Variants in DTNA observed in about 807,000 individuals in gnomAD.
DTNA encodes dystrobrevin alpha.
A neutral mutation model predicts 100.7 loss-of-function variants in DTNA; 43 were observed. That is an observed-to-expected ratio of 0.43 (90% CI 0.33 to 0.55). The LOEUF (loss-of-function observed/expected upper bound fraction) is 0.55, where lower values mean the gene tolerates loss of function less well. DTNA is among the 20% of genes least tolerant of loss of function. DTNA has a pLI of 0.04. For missense variants in DTNA, 798 were observed against 953.9 expected (o/e 0.84, Z 2.15); for synonymous variants, 349 against 347.9 (o/e 1.00, Z -0.04).
chr18:34,525,674 ACGCTGAGT>A (rs1451738541), intron 1 of DTNA, among the ~76,000 whole-genome samples: 1 of 152,144 alleles, frequency 6.6e-6, no homozygotes, highest in African/African-American at 2.4e-5. Flanking sequence ...TACTCCTCTG[ACGCTGAGT>A]GGTAGAACTA....
At chr18:34,539,131 AG>A (rs1439150723) in intron 1 of DTNA, among the ~76,000 whole-genome samples, 82 of 152,060 alleles carry the variant, frequency 5.4e-4, no homozygotes, top group African/African-American at 1.8e-3. Context: ...AAAATGATCA[AG>A]AATATGCATT....
chr18:34,610,554 T>A (rs2054018949), intron 1 of DTNA, among the ~76,000 whole-genome samples: 1 of 152,192 alleles, frequency 6.6e-6, no homozygotes, highest in African/African-American at 2.4e-5. Context: ...CAGGTACATT[T>A]AAAAAATGTA....
chr18:34,720,448 A>G (rs1456737740), intron 1 of DTNA, among the ~76,000 whole-genome samples: 1 of 152,234 alleles, frequency 6.6e-6, no homozygotes, highest in African/African-American at 2.4e-5. Context: ...GTTTGGGTTA[A>G]GACACAGGTA....
At chr18:34,880,519 T>TG (rs202139119) in intron 20 of DTNA, among the ~76,000 whole-genome samples, 3 of 152,214 alleles carry the variant, frequency 2.0e-5, no homozygotes, top group East Asian at 3.9e-4. Flanking sequence ...ACCCAAAAGC[T>TG]GGGGGAGGGA....
At chr18:34,498,358 G>T (rs950640502) in intron 1 of DTNA, among the ~76,000 whole-genome samples, 19 of 151,448 alleles carry the variant, frequency 1.3e-4, no homozygotes, top group Admixed American at 3.3e-4. Flanking sequence ...GTGTGAACCC[G>T]GGAGGCAGAG....
At chr18:34,705,525 ATT>A (rs893013595), upstream of DTNA, among the ~76,000 whole-genome samples, 2 of 152,336 alleles carry the variant, frequency 1.3e-5, no homozygotes, top group Admixed American at 6.5e-5. Flanking sequence ...CACTAGAGTA[ATT>A]TCATGCTGGA....
rs979432067 is a variant in DTNA at position 34,888,528 on chromosome 18, A to AT, written c.*803dup. The AT allele has an allele frequency of 4.9e-5, 48 of 984,150 alleles. No individual in the cohort carries two copies. The highest frequency in any genetic ancestry group is 5.4e-5 in the Non-Finnish European group (45 of 828,832). 61.0% of individuals were successfully genotyped at this position (984,150 alleles called of 1,614,324 possible). Reference sequence around the variant, plus strand: ...ATCAGCCATAGAATTTAGTGTAAATATTTTTTTTTCCAAATAGATATCATA... The same window carrying AT: ...ATCAGCCATAGAATTTAGTGTAAATATTTTTTTTTTCCAAATAGATATCATA... On this transcript the variant is annotated 3_prime_UTR_variant, in exon 23 of 23. Transcript: ENST00000444659.
intron 4 of DTNA, 26 bp from the exon 5 acceptor site, chr18:34,806,192 TG>T (rs1220043672): frequency 6.2e-7 from 1 of 1,602,692 alleles, no homozygotes; most frequent in African/African-American, 1.3e-5. Context: ...TTTTTGTTTT[TG>T]TTTTTTTTCT....
intron 1 of DTNA, among the ~76,000 whole-genome samples, chr18:34,547,184 T>G (rs1383723587): frequency 1.3e-5 from 2 of 152,146 alleles, no homozygotes; most frequent in Non-Finnish European, 2.9e-5. Context: ...CTGCTTTTTA[T>G]AAGTTTGATC....
chr18:34,530,062 C>T (rs1156699431), intron 1 of DTNA, among the ~76,000 whole-genome samples: 1 of 152,120 alleles, frequency 6.6e-6, no homozygotes, highest in Admixed American at 6.6e-5. Context: ...GCGTAGTCCA[C>T]TGTAAGCCAC....
intron 1 of DTNA, among the ~76,000 whole-genome samples, chr18:34,750,201 T>A (rs2092175397): frequency 1.3e-5 from 2 of 152,210 alleles, no homozygotes; most frequent in Non-Finnish European, 2.9e-5. Context: ...TCCAAAAACA[T>A]TGTCCTGCTT....
intron 3 of DTNA, among the ~76,000 whole-genome samples, chr18:34,792,469 C>T (rs557898205): frequency 6.6e-6 from 1 of 152,076 alleles, no homozygotes; most frequent in Admixed American, 6.5e-5. Flanking sequence ...ATAGTAGAAG[C>T]TGATGTTAGT....
chr18:34,610,905 A>C (rs2054084844), intron 1 of DTNA, among the ~76,000 whole-genome samples: 1 of 152,234 alleles, frequency 6.6e-6, no homozygotes, highest in Non-Finnish European at 1.5e-5. Context: ...AATGTCTATG[A>C]AAAGTGTTAA....
At chr18:34,635,313 G>C (rs1409360451) in intron 1 of DTNA, among the ~76,000 whole-genome samples, 2 of 152,132 alleles carry the variant, frequency 1.3e-5, no homozygotes, top group African/African-American at 4.8e-5. Flanking sequence ...TTTAAATAAT[G>C]CTGCAATTAA....
At chr18:34,646,977 G>C (rs1057210312) in intron 1 of DTNA, among the ~76,000 whole-genome samples, 2 of 146,778 alleles carry the variant, frequency 1.4e-5, no homozygotes, top group Non-Finnish European at 3.0e-5. Context: ...GCCTCCCAAA[G>C]TGCTGGGATT....
chr18:34,864,173 C>T (rs1486203420), intron 17 of DTNA, 111 bp downstream of exon 17: 2 of 910,228 alleles, frequency 2.2e-6, no homozygotes, highest in African/African-American at 3.3e-5. Flanking sequence ...TTTCCCTCAA[C>T]ATGTTGTTTC....
chr18:34,851,013 T>C (rs566707704), intron 14 of DTNA, among the ~76,000 whole-genome samples: 2 of 152,254 alleles, frequency 1.3e-5, no homozygotes, highest in East Asian at 3.9e-4. Flanking sequence ...TAAAATTACA[T>C]GTGTGAATAA....
At chr18:34,712,833 A>G (rs765937783) in intron 1 of DTNA, among the ~76,000 whole-genome samples, 5 of 152,124 alleles carry the variant, frequency 3.3e-5, no homozygotes, top group South Asian at 2.1e-4. Flanking sequence ...ATTTACCTCT[A>G]CTAAGGAGAC....
At chr18:34,665,234 TA>T (rs1456164275) in intron 1 of DTNA, among the ~76,000 whole-genome samples, 2 of 152,074 alleles carry the variant, frequency 1.3e-5, no homozygotes, top group African/African-American at 2.4e-5. Context: ...TGCACACAAA[TA>T]TTTTTTTCCT....
Sources: allele counts gnomAD v4.1 joint callset (sites outside exome capture counted in the v4.1 genomes callset), GRCh38; gene constraint gnomAD v4.1.1; transcripts MANE v1.5; gene names NCBI Gene and HGNC (gene_info 2026-07-23, HGNC 2026-07-21).